MCPH1: variants seen among roughly 807,000 people sequenced by gnomAD.
The protein encoded by MCPH1 is microcephalin 1.
MCPH1 carries 104 observed loss-of-function variants against 84.5 expected under a neutral mutation model. The observed-to-expected ratio is 1.23, with a 90% CI of 1.05 to 1.45. The LOEUF (loss-of-function observed/expected upper bound fraction) is 1.45, where lower values mean the gene tolerates loss of function less well. Ranked by LOEUF, MCPH1 falls within the 40% of genes most tolerant of loss-of-function variation. The pLI, the probability that MCPH1 is intolerant of heterozygous loss-of-function variation, is 0.00. For synonymous variants in MCPH1, 514 were observed against 366.8 expected, an observed-to-expected ratio of 1.40 and a Z score of -4.58; for missense variants, 1,498 against 1,005.7, an observed-to-expected ratio of 1.49 and a Z score of -6.62.
At chr8:6,604,770 G>C (rs146035247) in intron 12 of MCPH1, among the ~76,000 whole-genome samples, 4,762 of 152,322 alleles carry the variant, frequency 0.031, 109 homozygotes, top group Non-Finnish European at 0.047. Context: ...CTCCCAAAGT[G>C]CTGGGATTAC....
intron 3 of MCPH1, among the ~76,000 whole-genome samples, chr8:6,429,944 A>T (rs572126252): frequency 6.6e-6 from 1 of 152,230 alleles, no homozygotes; most frequent in South Asian, 2.1e-4. Context: ...AATCACATGA[A>T]TTCTTTTTTT....
At chr8:6,510,646 A>C (rs946282682) in intron 12 of MCPH1, among the ~76,000 whole-genome samples, 3 of 152,206 alleles carry the variant, frequency 2.0e-5, no homozygotes, top group Non-Finnish European at 2.9e-5. Flanking sequence ...GTCCGAGGTC[A>C]GACTCTTAAG....
intron 12 of MCPH1, chr8:6,513,863 A>G: frequency 6.3e-7 from 1 of 1,588,906 alleles, no homozygotes. Flanking sequence ...CAAGTTGTTA[A>G]ATTCAATTAT....
chr8:6,427,012 G>A (rs962870225), intron 3 of MCPH1, among the ~76,000 whole-genome samples: 4 of 152,190 alleles, frequency 2.6e-5, no homozygotes, highest in African/African-American at 4.8e-5. Context: ...ACACACACCT[G>A]CATGACATAG....
At chr8:6,594,612 G>A (rs1828778612) in intron 12 of MCPH1, among the ~76,000 whole-genome samples, 1 of 152,164 alleles carries the variant, frequency 6.6e-6, no homozygotes, top group Non-Finnish European at 1.5e-5. Context: ...ATTGTTTGGA[G>A]TATTGCCAAC....
intron 12 of MCPH1, among the ~76,000 whole-genome samples, chr8:6,600,828 T>C (rs1457695382): frequency 2.0e-5 from 3 of 152,182 alleles, no homozygotes; most frequent in South Asian, 2.1e-4. Context: ...TTTACAGCTA[T>C]GGGCTCCCAT....
chr8:6,641,154 A>C (rs1797911166), intron 13 of MCPH1, among the ~76,000 whole-genome samples: 1 of 152,034 alleles, frequency 6.6e-6, no homozygotes, highest in South Asian at 2.1e-4. Flanking sequence ...AAAAGTTTGA[A>C]ATTTTTGGAT....
At position 6,409,328 on chromosome 8, in the gene MCPH1, T is replaced by C. The variant is rs772271607; in HGVS notation, c.72T>C (p.Tyr24=). ...GGTCATCCAATGGAACAGAAAATTATTCAAAGACATTTACAACACAGCTTG... is the reference window on the plus strand; with the variant it reads ...GGTCATCCAATGGAACAGAAAATTACTCAAAGACATTTACAACACAGCTTG... The part of the protein sequence containing the change: ...EVWSSNGTEN[Y]SKTFTTQLVD... Residue 24 remains tyrosine (Y), a synonymous_variant, in exon 2 of 14, where the codon TAT becomes TAC. Coordinates refer to ENST00000344683, the MANE Select transcript of MCPH1 (RefSeq NM_024596.5). 3 of 1,614,134 alleles carry C rather than the reference T, an allele frequency of 1.9e-6. No homozygotes were observed. The East Asian group carries it at 6.7e-5, about 36-fold the overall frequency.
chr8:6,493,600 A>G (rs777751432), intron 11 of MCPH1, among the ~76,000 whole-genome samples: 4 of 152,132 alleles, frequency 2.6e-5, no homozygotes, highest in Non-Finnish European at 4.4e-5. Flanking sequence ...AAACCTTACT[A>G]ATGTGTGGAT....
intron 12 of MCPH1, among the ~76,000 whole-genome samples, chr8:6,556,214 T>C (rs1220642331): frequency 6.6e-6 from 1 of 152,176 alleles, no homozygotes; most frequent in Non-Finnish European, 1.5e-5. Context: ...ATATAATAAG[T>C]ACTACAGCAT....
At chr8:6,537,531 A>G (rs1156927074) in intron 12 of MCPH1, among the ~76,000 whole-genome samples, 8 of 144,908 alleles carry the variant, frequency 5.5e-5, no homozygotes, top group African/African-American at 2.0e-4. Context: ...CCAGGATGAA[A>G]TATTTTAATG....
intron 4 of MCPH1, among the ~76,000 whole-genome samples, chr8:6,435,413 C>T (rs544859472): frequency 1.3e-5 from 2 of 152,190 alleles, no homozygotes; most frequent in East Asian, 1.9e-4. Flanking sequence ...GGTGGGGGCT[C>T]AGGCAGTTTC....
At chr8:6,520,105 CA>C in intron 12 of MCPH1, 1 of 1,228,478 alleles carries the variant, frequency 8.1e-7, no homozygotes, top group South Asian at 1.7e-5. Flanking sequence ...CTTAAGTAAG[CA>C]AAAGGCTGTA....
At chr8:6,601,352 C>G (rs1323014451) in intron 12 of MCPH1, among the ~76,000 whole-genome samples, 1 of 152,128 alleles carries the variant, frequency 6.6e-6, no homozygotes, top group Non-Finnish European at 1.5e-5. Flanking sequence ...TTCAAGACCT[C>G]TCCTTAAACT....
At chr8:6,510,294 G>A (rs1010320795) in intron 12 of MCPH1, among the ~76,000 whole-genome samples, 12 of 152,046 alleles carry the variant, frequency 7.9e-5, no homozygotes, top group African/African-American at 2.2e-4. Context: ...GGGTCCTCAC[G>A]TCCTGATGGA....
At chr8:6,406,852 G>A (rs1395882702) in intron 1 of MCPH1, 163 bp downstream of exon 1, 3 of 35,160 alleles carry the variant, frequency 8.5e-5, no homozygotes, top group Non-Finnish European at 2.1e-4. Context: ...CCCGCTGCCT[G>A]TCCCACCAAA....
intron 3 of MCPH1, among the ~76,000 whole-genome samples, chr8:6,422,469 C>G (rs968604088): frequency 6.6e-6 from 1 of 152,248 alleles, no homozygotes; most frequent in African/African-American, 2.4e-5. Flanking sequence ...ATTTCTGTAC[C>G]TAATAGGGCC....
intron 6 of MCPH1, among the ~76,000 whole-genome samples, chr8:6,440,208 ATTC>A (rs1803300671): frequency 6.6e-6 from 1 of 151,880 alleles, no homozygotes; most frequent in Non-Finnish European, 1.5e-5. Context: ...TGCAGTTTTT[ATTC>A]TTTTTTTAAC....
At chr8:6,625,289 C>A (rs1831950294) in intron 13 of MCPH1, 1 of 985,448 alleles carries the variant, frequency 1.0e-6, no homozygotes, top group Non-Finnish European at 1.2e-6. Context: ...AGCGCAAATG[C>A]CCTGTGGCAG....
Sources: allele counts gnomAD v4.1 joint callset (sites outside exome capture counted in the v4.1 genomes callset), GRCh38; gene constraint gnomAD v4.1.1; transcripts MANE v1.5; gene names NCBI Gene and HGNC (gene_info 2026-07-23, HGNC 2026-07-21).